EPG5: variants seen among roughly 807,000 people sequenced by gnomAD.
EPG5 encodes the protein ectopic P-granules 5 autophagy tethering factor.
Under a neutral mutation model 302.7 loss-of-function variants are expected in EPG5, and 159 were observed. The observed-to-expected ratio is 0.53, with a 90% CI of 0.46 to 0.60. The LOEUF is 0.60. EPG5 is among the 20% of genes least tolerant of loss of function. EPG5 has a pLI of 0.00. For synonymous variants in EPG5, 1,158 were observed against 1,136.8 expected (o/e 1.02, Z -0.37); for missense variants, 2,896 against 3,092.4 (o/e 0.94, Z 1.51).
chr18:45,882,819 C>T (rs1300012800), intron 30 of EPG5, among the ~76,000 whole-genome samples: 1 of 151,932 alleles, frequency 6.6e-6, no homozygotes, highest in Non-Finnish European at 1.5e-5. Context: ...ACCAGCCTGA[C>T]CAACATGGAG....
chr18:45,932,882 G>C (rs2050426513), intron 11 of EPG5, among the ~76,000 whole-genome samples: 1 of 152,148 alleles, frequency 6.6e-6, no homozygotes, highest in Admixed American at 6.5e-5. Flanking sequence ...TCTAGGGCAA[G>C]GCAAGGCTGG....
At chr18:45,942,729 C>T (rs1264585048) in intron 9 of EPG5, among the ~76,000 whole-genome samples, 1 of 151,984 alleles carries the variant, frequency 6.6e-6, no homozygotes, top group Non-Finnish European at 1.5e-5. Context: ...TAACAGCATA[C>T]GTATATGCTA....
At chr18:45,947,637 A>C (rs888717631) in intron 6 of EPG5, among the ~76,000 whole-genome samples, 5 of 152,154 alleles carry the variant, frequency 3.3e-5, no homozygotes, top group African/African-American at 1.2e-4. Flanking sequence ...CAGCTCCCGC[A>C]CACACCTTTG....
At chr18:45,906,655 ATT>A (rs557629428) in intron 24 of EPG5, among the ~76,000 whole-genome samples, 17 of 143,510 alleles carry the variant, frequency 1.2e-4, no homozygotes, top group African/African-American at 3.3e-4. Context: ...CACTCTCGTA[ATT>A]TTTTTTTTTT....
chr18:45,830,177 T>G, the EPG5 span, among the ~76,000 whole-genome samples: 1 of 152,270 alleles, frequency 6.6e-6, no homozygotes, highest in African/African-American at 2.4e-5. Context: ...CTTTTTTCCT[T>G]ACCAAGGAAC....
chr18:45,811,285 T>A, the EPG5 span, among the ~76,000 whole-genome samples: 2 of 152,240 alleles, frequency 1.3e-5, no homozygotes, highest in South Asian at 4.1e-4. Context: ...TCTAGAAAGC[T>A]CCTAGAACTG....
At chr18:45,801,058 A>G in the EPG5 span, among the ~76,000 whole-genome samples, 1 of 151,946 alleles carries the variant, frequency 6.6e-6, no homozygotes, top group Admixed American at 6.6e-5. Context: ...TTTTTTTGAG[A>G]TGGAGTCTCG....
chr18:45,942,663 G>A (rs767106607), intron 9 of EPG5, among the ~76,000 whole-genome samples: 5 of 152,138 alleles, frequency 3.3e-5, no homozygotes, highest in Non-Finnish European at 7.3e-5. Flanking sequence ...AGCGAAAGGA[G>A]GGAGAGAAGT....
Position 45,865,611 on chromosome 18 carries a change from T to G in EPG5, c.6766+4A>C, listed in dbSNP as rs2048727518. 6.2e-7 allele frequency: 1 copy of G among 1,613,960 alleles called. No homozygotes were observed. The highest frequency in any genetic ancestry group is 8.5e-7 in the Non-Finnish European group (1 of 1,179,904). ...GAATACAGGACTTCCGACTGGTCAC[T>G]TACCGGGCGGGTTAAAGACAATGAT... On this transcript the variant is annotated splice_donor_region_variant and intron_variant, in intron 39 of 43. Transcript: ENST00000282041.
Position 45,912,457 on chromosome 18 carries a change from C to T in EPG5, c.3817-1G>A, listed in dbSNP as rs1249856939. 6.3e-7 allele frequency: 1 copy of T among 1,584,574 alleles called. No homozygotes were observed. Among genetic ancestry groups the T allele is most frequent in the Admixed American group, 1.9e-5 (1 of 51,504 alleles). On this transcript the variant is annotated splice_acceptor_variant, in intron 21 of 43. Coordinates refer to ENST00000282041, the MANE Select transcript of EPG5 (RefSeq NM_020964.3). LOFTEE classifies it high-confidence loss of function. ...GGAGCTTCAGCTGGGTCTGGGCTTT[C>T]TACAAAAAAGAAAGGGCTTTGAGTA...
chr18:45,852,298 CA>C lies in EPG5; in HGVS notation c.*168del. On this transcript the variant is annotated 3_prime_UTR_variant, in exon 44 of 44. Coordinates refer to ENST00000282041, the MANE Select transcript of EPG5 (RefSeq NM_020964.3). Reference sequence around the variant, plus strand: ...CTAAGAAAACACACACACACACACACACACACCCCAAAATTATCTAATATCT... The same window carrying C: ...CTAAGAAAACACACACACACACACACCACACCCCAAAATTATCTAATATCT... The C allele has an allele frequency of 2.5e-5, 15 of 605,790 alleles. No individual in the cohort carries two copies. Among genetic ancestry groups the C allele is most frequent in the African/African-American group, 2.1e-4 (11 of 53,518 alleles). The allele number at this position is 605,790 out of a possible 1,614,324, so 37.5% of individuals were successfully genotyped here.
chr18:45,878,603 C>T (rs145613104), intron 33 of EPG5, among the ~76,000 whole-genome samples, 155 bp from the exon 34 acceptor site: 378 of 152,282 alleles, frequency 2.5e-3, no homozygotes, highest in African/African-American at 8.5e-3. Flanking sequence ...TGTATGTTTA[C>T]GTTTTCATTG....
chr18:45,955,721 T>C (rs769215768), intron 1 of EPG5, among the ~76,000 whole-genome samples: 1 of 152,170 alleles, frequency 6.6e-6, no homozygotes, highest in Non-Finnish European at 1.5e-5. Flanking sequence ...TGTCTTCACC[T>C]TGACAAATTC....
rs753841329 is a variant in EPG5 at position 45,852,644 on chromosome 18, C to T, written c.7563G>A (p.Leu2521=). 1.2e-6 allele frequency: 2 copies of T among 1,613,888 alleles called. No individual in the cohort carries two copies. Among genetic ancestry groups the T allele is most frequent in the East Asian group, 2.2e-5 (1 of 44,886 alleles). ...LHLTPKAQQA[L]NALESMASSK... ...TTGATGCCATGGATTCAAGAGCATT[C>T]AGAGCCTAAAAGACACGGAAGATGA... Residue 2521 remains leucine, a synonymous_variant, in exon 44 of 44, where the codon CTG becomes CTA. Transcript: ENST00000282041.
chr18:45,952,604 G>A lies in EPG5; in HGVS notation c.1048C>T (p.Arg350Cys), dbSNP rs148098259. The change falls in exon 3 of 44, where the codon CGC becomes TGC. Residue 350 changes from arginine to cysteine, a missense_variant. This residue lies in a region of EPG5 where 1,390 missense variants were observed against 1,430.0 expected (regional missense o/e 0.97). Transcript: ENST00000282041. ...TCATTCATTTCTACTCTTTGGTAGC[G>A]ATGATAGCTGAAAACTTTCACTTGA... ...ADQVKVFSYH[R>C]YQRVEMNENA... The A allele has an allele frequency of 5.1e-4, 824 of 1,614,108 alleles. 8 individuals carry two copies. The African/African-American group carries it at 5.3e-3, about 10-fold the overall frequency.
chr18:45,895,479 C>A (rs566452520), intron 27 of EPG5, among the ~76,000 whole-genome samples: 43 of 152,246 alleles, frequency 2.8e-4, no homozygotes, highest in South Asian at 1.7e-3. Flanking sequence ...AGGAACTTCA[C>A]CAATTCTCTA....
the EPG5 span, chr18:45,837,427 T>A: frequency 1.4e-6 from 2 of 1,394,256 alleles, no homozygotes; most frequent in Non-Finnish European, 1.9e-6. Flanking sequence ...GGGGGAGCGT[T>A]TCCTGGGTCG....
At chr18:45,892,870 A>C (rs1314431111) in intron 27 of EPG5, among the ~76,000 whole-genome samples, 1 of 152,258 alleles carries the variant, frequency 6.6e-6, no homozygotes, top group Non-Finnish European at 1.5e-5. Flanking sequence ...GGAGTCATTC[A>C]AAATTATATT....
At chr18:45,937,791 T>C (rs530005851) in intron 10 of EPG5, among the ~76,000 whole-genome samples, 2 of 152,316 alleles carry the variant, frequency 1.3e-5, no homozygotes, top group Admixed American at 6.5e-5. Context: ...GAAATTTCCA[T>C]TTGAGTGCCG....
Sources: allele counts gnomAD v4.1 joint callset (sites outside exome capture counted in the v4.1 genomes callset), GRCh38; gene constraint gnomAD v4.1.1; regional missense constraint gnomAD v4.1.1; transcripts MANE v1.5; gene names NCBI Gene and HGNC (gene_info 2026-07-23, HGNC 2026-07-21).